Variants in DIPK1A observed in about 807,000 individuals in gnomAD.
The protein encoded by DIPK1A is family with sequence similarity 69 member A.
In DIPK1A, 27 loss-of-function variants were observed where a neutral mutation model predicts 40.8. The ratio of observed to expected loss-of-function variants is 0.66; its 90% CI spans 0.49 to 0.91. DIPK1A has a LOEUF of 0.91. DIPK1A is among the 40% of genes least tolerant of loss of function. The pLI is 0.00. For missense variants in DIPK1A, 412 were observed against 505.7 expected (o/e 0.81, Z 1.78); for synonymous variants, 166 against 171.3 (o/e 0.97, Z 0.24).
At position 92,842,580 on chromosome 1, in the gene DIPK1A, A is replaced by C; in HGVS notation, c.*803T>G. On this transcript the variant is annotated 3_prime_UTR_variant, in exon 5 of 5. Coordinates refer to ENST00000370310, the MANE Select transcript of DIPK1A (RefSeq NM_001006605.5). Reference sequence around the variant, plus strand: ...TGAAAATGGAAAGTTATTACTAAAAAGTCTGCTATAATTTATTTTAGTCTT... The same window carrying C: ...TGAAAATGGAAAGTTATTACTAAAACGTCTGCTATAATTTATTTTAGTCTT... 2 of 981,790 alleles carry C rather than the reference A, an allele frequency of 2.0e-6. No individual in the cohort carries two copies. Among genetic ancestry groups the C allele is most frequent in the South Asian group, 4.8e-5 (1 of 20,926 alleles). The allele number at this position is 981,790 out of a possible 1,614,324, so 60.8% of individuals were successfully genotyped here.
Position 92,842,600 on chromosome 1 carries a change from A to T in DIPK1A, c.*783T>A. 1 of 934,048 alleles carries T rather than the reference A, an allele frequency of 1.1e-6. No individual in the cohort carries two copies. The highest frequency in any genetic ancestry group is 5.4e-5 in the South Asian group (1 of 18,496). The allele number at this position is 934,048 out of a possible 1,614,324, so 57.9% of individuals were successfully genotyped here. A position where few individuals can be genotyped will look rare whatever the true frequency, so the allele number is the denominator to read the frequency against. ...TAAAAAGTCTGCTATAATTTATTTTAGTCTTGCACTTACAGTCCCACTTTC... is the reference window on the plus strand; with the variant it reads ...TAAAAAGTCTGCTATAATTTATTTTTGTCTTGCACTTACAGTCCCACTTTC... On this transcript the variant is annotated 3_prime_UTR_variant, in exon 5 of 5. Transcript: ENST00000370310.
Position 92,842,478 on chromosome 1 carries a change from GA to G in DIPK1A, c.*904del, listed in dbSNP as rs35488718. On this transcript the variant is annotated 3_prime_UTR_variant, in exon 5 of 5. Coordinates refer to ENST00000370310, the MANE Select transcript of DIPK1A (RefSeq NM_001006605.5). ...ACCTTGTATATCAAGTTTACATGGG[GA>G]AAAAAACATTAGATAAATAAATACA... 8.2e-6 allele frequency: 8 copies of G among 977,258 alleles called. No individual in the cohort carries two copies. The highest frequency in any genetic ancestry group is 4.7e-5 in the South Asian group (1 of 21,162). The allele number at this position is 977,258 out of a possible 1,614,324, so 60.5% of individuals were successfully genotyped here.
At chr1:92,866,029 T>C (rs1276582055) in intron 2 of DIPK1A, among the ~76,000 whole-genome samples, 1 of 152,196 alleles carries the variant, frequency 6.6e-6, no homozygotes, top group East Asian at 1.9e-4. Flanking sequence ...TGGCTACTAA[T>C]ACATAGTTCT....
At chr1:92,959,399 A>C (rs1651970007) in intron 1 of DIPK1A, among the ~76,000 whole-genome samples, 1 of 150,636 alleles carries the variant, frequency 6.6e-6, no homozygotes, top group African/African-American at 2.4e-5. Context: ...ATGACAGTTC[A>C]TTATTGTTTT....
chr1:92,922,969 T>C (rs1217238907), intron 1 of DIPK1A, among the ~76,000 whole-genome samples: 2 of 152,134 alleles, frequency 1.3e-5, no homozygotes, highest in Non-Finnish European at 2.9e-5. Flanking sequence ...TTCTCAAATC[T>C]GTTTTCCACA....
At chr1:92,945,273 A>G (rs185268080) in intron 1 of DIPK1A, among the ~76,000 whole-genome samples, 59 of 152,318 alleles carry the variant, frequency 3.9e-4, no homozygotes, top group South Asian at 2.3e-3. Flanking sequence ...GAAGGCAATT[A>G]GAAACTCCCT....
intron 1 of DIPK1A, among the ~76,000 whole-genome samples, chr1:92,924,845 A>C (rs567491393): frequency 1.3e-5 from 2 of 152,362 alleles, no homozygotes; most frequent in South Asian, 4.1e-4. Context: ...TGAGTTGGTC[A>C]TGTCCCATGG....
intron 4 of DIPK1A, chr1:92,833,233 C>G (rs560446482): frequency 1.5e-6 from 1 of 672,476 alleles, no homozygotes; most frequent in East Asian, 2.7e-5. Flanking sequence ...GAAAAAGATT[C>G]TTGACCCTAG....
intron 1 of DIPK1A, among the ~76,000 whole-genome samples, chr1:92,891,253 T>C (rs972665048): frequency 4.6e-5 from 7 of 151,998 alleles, no homozygotes; most frequent in African/African-American, 1.4e-4. Flanking sequence ...ATTTTGTTTG[T>C]CTTTTTGAAA....
intron 1 of DIPK1A, among the ~76,000 whole-genome samples, chr1:92,920,291 G>A (rs993095773): frequency 6.6e-6 from 1 of 152,162 alleles, no homozygotes; most frequent in Non-Finnish European, 1.5e-5. Context: ...TCATGGTAGT[G>A]AATAAGTCTC....
intron 1 of DIPK1A, among the ~76,000 whole-genome samples, chr1:92,919,909 A>C (rs1173148454): frequency 1.3e-5 from 2 of 152,258 alleles, no homozygotes; most frequent in African/African-American, 4.8e-5. Flanking sequence ...GATAATTCTT[A>C]TCAAATGGAA....
intron 3 of DIPK1A, among the ~76,000 whole-genome samples, chr1:92,850,144 A>T (rs543164553): frequency 6.6e-6 from 1 of 151,066 alleles, no homozygotes; most frequent in African/African-American, 2.4e-5. Context: ...CATTTTTTTT[A>T]AATTTTGGAG....
intron 1 of DIPK1A, among the ~76,000 whole-genome samples, chr1:92,880,894 C>A (rs542512746): frequency 1.5e-4 from 21 of 142,418 alleles, no homozygotes; most frequent in East Asian, 4.2e-4. Flanking sequence ...AACAAACAAA[C>A]AAAAAAACTA....
chr1:92,929,244 T>G (rs1441440523), intron 1 of DIPK1A, among the ~76,000 whole-genome samples: 1 of 152,234 alleles, frequency 6.6e-6, no homozygotes, highest in Non-Finnish European at 1.5e-5. Flanking sequence ...TGACTCTAGA[T>G]TCTGTAACAT....
chr1:92,833,290 T>C (rs1196107724), intron 4 of DIPK1A: 1 of 968,364 alleles, frequency 1.0e-6, no homozygotes, highest in Non-Finnish European at 1.6e-6. Context: ...GTCTGTTTAC[T>C]CTTGAAGTTC....
At chr1:92,919,638 A>G (rs1285078891) in intron 1 of DIPK1A, among the ~76,000 whole-genome samples, 1 of 152,208 alleles carries the variant, frequency 6.6e-6, no homozygotes, top group Non-Finnish European at 1.5e-5. Flanking sequence ...CTATGCTATA[A>G]TTAACCTCCT....
At chr1:92,840,449 T>G, downstream of DIPK1A, 1 of 864,304 alleles carries the variant, frequency 1.2e-6, no homozygotes, top group Admixed American at 1.9e-5. Context: ...GTTTAGTTCC[T>G]TTTGAGAATC....
chr1:92,913,929 T>C (rs1486438147), intron 1 of DIPK1A, among the ~76,000 whole-genome samples: 3 of 152,214 alleles, frequency 2.0e-5, no homozygotes, highest in Admixed American at 2.0e-4. Flanking sequence ...ATGGGATGTC[T>C]TGCCATACAT....
intron 2 of DIPK1A, among the ~76,000 whole-genome samples, chr1:92,870,517 C>T (rs542120002): frequency 5.9e-5 from 9 of 152,346 alleles, no homozygotes; most frequent in East Asian, 1.9e-4. Flanking sequence ...TGAGCCACTG[C>T]GCCCAGCCTG....
Sources: allele counts gnomAD v4.1 joint callset (sites outside exome capture counted in the v4.1 genomes callset), GRCh38; gene constraint gnomAD v4.1.1; transcripts MANE v1.5; gene names NCBI Gene and HGNC (gene_info 2026-07-23, HGNC 2026-07-21).